The following RYR2 variants were observed in gnomAD, a reference collection of about 807,000 sequenced individuals.
RYR2 encodes the protein ryanodine receptor 2.
A neutral mutation model predicts 601.1 loss-of-function variants in RYR2; 227 were observed. That is an observed-to-expected ratio of 0.38 (90% CI 0.34 to 0.42). RYR2 has a LOEUF of 0.42. RYR2 is among the 10% of genes least tolerant of loss of function. The pLI, the probability that RYR2 is intolerant of heterozygous loss-of-function variation, is 1.00. For missense variants in RYR2, 4,646 were observed against 6,156.5 expected (o/e 0.75, Z 8.21); for synonymous variants, 2,223 against 2,175.1 (o/e 1.02, Z -0.61).
chr1:237,377,209 T>A lies in RYR2; in HGVS notation c.464-114T>A, dbSNP rs1701113091. The A allele has an allele frequency of 3.6e-5, 24 of 662,994 alleles. No homozygotes were observed. In the South Asian group the frequency reaches 5.4e-4, roughly 15 times the overall value. The allele number at this position is 662,994 out of a possible 1,614,324, so 41.1% of individuals were successfully genotyped here. ...TTTCTCTTTTCATGGTGTAAGAGAT[T>A]AATTTGCATTAATTCCGGATTTCTG... On this transcript the variant is annotated intron_variant, in intron 7 of 104. Coordinates refer to ENST00000366574, the MANE Select transcript of RYR2 (RefSeq NM_001035.3).
At chr1:237,489,628 G>T (rs1663100324) in intron 17 of RYR2, among the ~76,000 whole-genome samples, 1 of 152,130 alleles carries the variant, frequency 6.6e-6, no homozygotes, top group Non-Finnish European at 1.5e-5. Context: ...TTGCATTCCA[G>T]CCTGGGTAAC....
At chr1:237,711,136 T>A (rs1688805451) in intron 70 of RYR2, among the ~76,000 whole-genome samples, 4 of 152,226 alleles carry the variant, frequency 2.6e-5, no homozygotes, top group Admixed American at 2.6e-4. Context: ...ATAATCAGTA[T>A]GTTTTCAGAT....
chr1:237,208,986 G>A (rs59352875), intron 1 of RYR2, among the ~76,000 whole-genome samples: 28,425 of 86,082 alleles, frequency 0.33, 4,186 homozygotes, highest in East Asian at 0.52. Flanking sequence ...ATATATATAT[G>A]TATACTGTAA....
chr1:237,240,724 C>T (rs149906313), intron 1 of RYR2, among the ~76,000 whole-genome samples: 2,162 of 136,770 alleles, frequency 0.016, 52 homozygotes, highest in African/African-American at 0.054. Flanking sequence ...AGGATGCTCA[C>T]ATTGTTTGCT....
intron 23 of RYR2, among the ~76,000 whole-genome samples, chr1:237,508,472 AC>A (rs1558939896): frequency 3.3e-5 from 5 of 150,968 alleles, no homozygotes; most frequent in African/African-American, 9.7e-5. Flanking sequence ...AAAAAAAAAA[AC>A]AAACAAAATG....
At chr1:237,418,483 T>G (rs1705233720) in intron 11 of RYR2, among the ~76,000 whole-genome samples, 1 of 152,178 alleles carries the variant, frequency 6.6e-6, no homozygotes. Context: ...TCTTGAACAC[T>G]GTGAGGTTGA....
At chr1:237,403,951 T>C (rs573374175) in intron 10 of RYR2, among the ~76,000 whole-genome samples, 5 of 152,302 alleles carry the variant, frequency 3.3e-5, no homozygotes, top group African/African-American at 9.6e-5. Flanking sequence ...CAAAAACATC[T>C]TGGATTTTAA....
chr1:237,457,493 T>C (rs1658978012), intron 16 of RYR2, among the ~76,000 whole-genome samples: 1 of 152,170 alleles, frequency 6.6e-6, no homozygotes, highest in Non-Finnish European at 1.5e-5. Context: ...AGGGACAGTT[T>C]AGTAGTCAAA....
chr1:237,088,642 G>A (rs1666622116), intron 1 of RYR2, among the ~76,000 whole-genome samples: 1 of 152,146 alleles, frequency 6.6e-6, no homozygotes, highest in Admixed American at 6.5e-5. Context: ...ACTTGGCTTA[G>A]GATTAAACCA....
intron 74 of RYR2, among the ~76,000 whole-genome samples, chr1:237,723,630 G>C (rs968280530): frequency 3.3e-5 from 5 of 151,956 alleles, no homozygotes; most frequent in Non-Finnish European, 7.4e-5. Context: ...ATAAAAACAT[G>C]TTTGAGATAT....
At chr1:237,456,517 A>C in intron 15 of RYR2, 83 bp from the exon 16 acceptor site, 1 of 1,368,784 alleles carries the variant, frequency 7.3e-7, no homozygotes, top group Non-Finnish European at 9.5e-7. Context: ...TCTATTTTTA[A>C]ATCAACTTAG....
intron 1 of RYR2, among the ~76,000 whole-genome samples, chr1:237,172,192 T>G (rs1181209224): frequency 6.6e-6 from 1 of 152,354 alleles, no homozygotes; most frequent in South Asian, 2.1e-4. Context: ...TAATGTATGG[T>G]CATACAAGGT....
At chr1:237,546,985 A>T (rs1424688042) in intron 25 of RYR2, among the ~76,000 whole-genome samples, 16 of 120,572 alleles carry the variant, frequency 1.3e-4, no homozygotes, top group South Asian at 1.2e-3. Flanking sequence ...GCATATATAT[A>T]TATATATATA....
At chr1:237,342,059 C>T (rs1024959202) in intron 3 of RYR2, among the ~76,000 whole-genome samples, 3 of 152,044 alleles carry the variant, frequency 2.0e-5, no homozygotes, top group Non-Finnish European at 2.9e-5. Flanking sequence ...TTACAGAAGG[C>T]AATACAAATA....
intron 1 of RYR2, among the ~76,000 whole-genome samples, chr1:237,139,781 A>G (rs1673180181): frequency 6.6e-6 from 1 of 152,180 alleles, no homozygotes; most frequent in Admixed American, 6.5e-5. Context: ...ATTTAGATTC[A>G]TTTTTACACA....
At chr1:237,167,977 A>G (rs139689765) in intron 1 of RYR2, among the ~76,000 whole-genome samples, 1 of 152,258 alleles carries the variant, frequency 6.6e-6, no homozygotes, top group African/African-American at 2.4e-5. Context: ...AATAAGCTGA[A>G]TTTCTGTTTC....
chr1:237,816,188 G>T (rs571412422), intron 100 of RYR2, among the ~76,000 whole-genome samples: 2 of 152,254 alleles, frequency 1.3e-5, no homozygotes, highest in Non-Finnish European at 2.9e-5. Context: ...AGGAGTACCA[G>T]TCCAGAACCA....
chr1:237,070,312 G>T (rs976855318), intron 1 of RYR2, among the ~76,000 whole-genome samples: 2 of 152,056 alleles, frequency 1.3e-5, no homozygotes, highest in Non-Finnish European at 2.9e-5. Context: ...GCCTACAGGT[G>T]CATGTCCCTG....
intron 25 of RYR2, among the ~76,000 whole-genome samples, chr1:237,545,752 AT>A (rs143110658): frequency 0.011 from 1,678 of 146,598 alleles, 30 homozygotes; most frequent in African/African-American, 0.04. Flanking sequence ...TTCTTGAAAA[AT>A]AAAAAAAAAA....
Sources: allele counts gnomAD v4.1 joint callset (sites outside exome capture counted in the v4.1 genomes callset), GRCh38; gene constraint gnomAD v4.1.1; transcripts MANE v1.5; gene names NCBI Gene and HGNC (gene_info 2026-07-23, HGNC 2026-07-21).